The following CRTAC1 variants were observed in gnomAD, a reference collection of about 807,000 sequenced individuals.
CRTAC1 encodes acidic secreted protein in cartilage.
In CRTAC1, 37 loss-of-function variants were observed where a neutral mutation model predicts 67.8. That is an observed-to-expected ratio of 0.55 (90% CI 0.42 to 0.72). The LOEUF is 0.72. Ranked by LOEUF, CRTAC1 falls within the 30% of genes least tolerant of loss-of-function variation. CRTAC1 has a pLI of 0.00. For missense variants in CRTAC1, 780 were observed against 931.6 expected (o/e 0.84, Z 2.12); for synonymous variants, 348 against 371.0 (o/e 0.94, Z 0.71).
intron 2 of CRTAC1, among the ~76,000 whole-genome samples, chr10:97,985,993 C>G (rs775350095): frequency 6.6e-6 from 1 of 152,170 alleles, no homozygotes; most frequent in Admixed American, 6.5e-5. Flanking sequence ...AGCACCAATG[C>G]GGACCACAAT....
chr10:97,912,641 G>A (rs886590249), intron 5 of CRTAC1, among the ~76,000 whole-genome samples: 2 of 152,192 alleles, frequency 1.3e-5, no homozygotes, highest in Non-Finnish European at 2.9e-5. Context: ...GGGAGGGTGT[G>A]CATGCAGCTG....
intron 1 of CRTAC1, among the ~76,000 whole-genome samples, chr10:98,017,096 A>T (rs1380851905): frequency 6.6e-6 from 1 of 152,188 alleles, no homozygotes; most frequent in Non-Finnish European, 1.5e-5. Context: ...TGTTTTCTTG[A>T]ATGCTTGTGT....
chr10:98,022,982 G>A (rs996310484), intron 1 of CRTAC1, among the ~76,000 whole-genome samples: 3 of 152,044 alleles, frequency 2.0e-5, no homozygotes, highest in Non-Finnish European at 4.4e-5. Context: ...AAATGCACTC[G>A]TGGACCCCAC....
At chr10:97,930,483 G>A (rs1237390962) in intron 3 of CRTAC1, among the ~76,000 whole-genome samples, 1 of 152,208 alleles carries the variant, frequency 6.6e-6, no homozygotes, top group Non-Finnish European at 1.5e-5. Flanking sequence ...ACTTTGCTGG[G>A]TTCAGGAAGC....
intron 7 of CRTAC1, among the ~76,000 whole-genome samples, chr10:97,902,937 G>A (rs939503895): frequency 7.2e-5 from 11 of 151,986 alleles, no homozygotes; most frequent in Non-Finnish European, 1.2e-4. Flanking sequence ...GGAGCAAAAA[G>A]ACCTCAGGAT....
intron 2 of CRTAC1, among the ~76,000 whole-genome samples, chr10:98,005,100 A>ATATTTTTTTTTTTTTTTTT: frequency 1.4e-4 from 7 of 48,884 alleles, no homozygotes; most frequent in African/African-American, 2.3e-4. Flanking sequence ...ATATATATAT[A>ATATTTTTTTTTTTTTTTTT]TTTTTTTTTT....
intron 2 of CRTAC1, among the ~76,000 whole-genome samples, chr10:97,988,414 G>A (rs1196142888): frequency 3.9e-5 from 6 of 152,190 alleles, no homozygotes; most frequent in African/African-American, 1.2e-4. Flanking sequence ...TAGACACAAG[G>A]TGGGACAGTA....
At chr10:97,896,062 G>T in intron 9 of CRTAC1, 77 bp from the exon 10 acceptor site, 1 of 1,303,730 alleles carries the variant, frequency 7.7e-7, no homozygotes, top group Non-Finnish European at 1.1e-6. Context: ...ACCAAGTGCA[G>T]TATCCACAGC....
intron 2 of CRTAC1, among the ~76,000 whole-genome samples, chr10:97,955,459 C>T (rs80323648): frequency 0.018 from 2,699 of 152,324 alleles, 72 homozygotes; most frequent in African/African-American, 0.061. Context: ...AGCAGGAGCC[C>T]AGGTTAAGAA....
intron 2 of CRTAC1, among the ~76,000 whole-genome samples, chr10:97,947,825 G>A (rs2051288140): frequency 6.6e-6 from 1 of 152,078 alleles, no homozygotes; most frequent in South Asian, 2.1e-4. Context: ...AGCCAAGTTG[G>A]GAGGATCGCT....
chr10:97,995,490 C>T (rs1387044837), intron 2 of CRTAC1, among the ~76,000 whole-genome samples: 2 of 152,188 alleles, frequency 1.3e-5, no homozygotes, highest in African/African-American at 2.4e-5. Flanking sequence ...AGAACACAAG[C>T]TTTGGATTTC....
At chr10:97,909,090 T>G (rs993518376) in intron 5 of CRTAC1, among the ~76,000 whole-genome samples, 1 of 152,188 alleles carries the variant, frequency 6.6e-6, no homozygotes, top group African/African-American at 2.4e-5. Flanking sequence ...GTATATATGT[T>G]TTTTAAAACG....
In CRTAC1 at chr10:97,975,148, G is replaced by A. The variant is rs998806072; in HGVS notation, c.224+35990C>T. On this transcript the variant is annotated intron_variant, in intron 2 of 14. Transcript: ENST00000370597. This position sits in a 1 kb window ranked among gnomAD's most constrained non-coding sequence, Gnocchi z 4.8. The stretch of plus-strand genomic sequence containing the variant: ...ATCTGGCTAAACGGCAGCATTTAAG[G>A]GCCCTGCGAAGGAATCCAATTTGCG... Among the ~76,000 whole-genome samples, 1 of 152,170 alleles carries A rather than the reference G, an allele frequency of 6.6e-6. No homozygotes were observed. Among genetic ancestry groups the A allele is most frequent in the Admixed American group, 6.5e-5 (1 of 15,274 alleles).
chr10:97,997,736 A>G (rs1842610992), intron 2 of CRTAC1, among the ~76,000 whole-genome samples: 1 of 152,232 alleles, frequency 6.6e-6, no homozygotes, highest in South Asian at 2.1e-4. Flanking sequence ...GAACCATATA[A>G]AACTCTTAAA....
Position 97,897,100 on chromosome 10 carries a change from T to C in CRTAC1, c.1134-109A>G, listed in dbSNP as rs1031408562. 5.5e-6 allele frequency: 4 copies of C among 729,272 alleles called. No homozygotes were observed. The Admixed American group carries it at 1.0e-4, about 19-fold the overall frequency. The allele number at this position is 729,272 out of a possible 1,614,324, so 45.2% of individuals were successfully genotyped here. On this transcript the variant is annotated intron_variant, in intron 8 of 14. Coordinates refer to ENST00000370597, the MANE Select transcript of CRTAC1 (RefSeq NM_018058.7). ...GAGCATCCCCGGGTCCCAATGTGCATGGGCTACCACCTGGCTGCCCACGGA... is the reference window on the plus strand; with the variant it reads ...GAGCATCCCCGGGTCCCAATGTGCACGGGCTACCACCTGGCTGCCCACGGA...
At chr10:98,005,098 ATATTTTTTTT>A (rs1842759824) in intron 2 of CRTAC1, among the ~76,000 whole-genome samples, 1 of 38,212 alleles carries the variant, frequency 2.6e-5, no homozygotes, top group African/African-American at 1.1e-4. Flanking sequence ...ATATATATAT[ATATTTTTTTT>A]TTTTTTTTTT....
In CRTAC1 at chr10:97,893,632, C is replaced by T. The variant is rs570276426; in HGVS notation, c.1486+1613G>A. On this transcript the variant is annotated intron_variant, in intron 11 of 14. Transcript: ENST00000370597. ...AAAGATAGTACAGAGAGCTCCTCTGCGCCCTTCACCCAGTTTCACCCAATG... is the reference window on the plus strand; with the variant it reads ...AAAGATAGTACAGAGAGCTCCTCTGTGCCCTTCACCCAGTTTCACCCAATG... Among the ~76,000 whole-genome samples, 8 of 152,220 alleles carry T rather than the reference C, an allele frequency of 5.3e-5. No individual in the cohort carries two copies. In the East Asian group the frequency reaches 7.7e-4, roughly 15 times the overall value.
intron 11 of CRTAC1, chr10:97,884,573 G>T: frequency 3.5e-6 from 2 of 570,262 alleles, no homozygotes; most frequent in Non-Finnish European, 6.2e-6. Context: ...TCCTGCATCT[G>T]TGCTGTCCAG....
At chr10:97,911,136 C>T (rs1400153153) in intron 5 of CRTAC1, among the ~76,000 whole-genome samples, 2 of 152,222 alleles carry the variant, frequency 1.3e-5, no homozygotes, top group Non-Finnish European at 2.9e-5. Context: ...TTACCAGCTT[C>T]TCTGAGAATC....
Sources: allele counts gnomAD v4.1 joint callset (sites outside exome capture counted in the v4.1 genomes callset), GRCh38; gene constraint gnomAD v4.1.1; non-coding constraint Gnocchi (gnomAD v3.1); transcripts MANE v1.5; gene names NCBI Gene and HGNC (gene_info 2026-07-23, HGNC 2026-07-21).